Variants in NDST4 observed in about 807,000 individuals in gnomAD.
NDST4 encodes N-deacetylase and N-sulfotransferase 4.
NDST4 carries 63 observed loss-of-function variants against 100.8 expected under a neutral mutation model. The ratio of observed to expected loss-of-function variants is 0.62; its 90% CI spans 0.51 to 0.77. The LOEUF is 0.77. NDST4 is among the 30% of genes least tolerant of loss of function. The probability of loss-of-function intolerance (pLI) is 0.00; values close to 1 mark genes in which losing one functional copy is unlikely to be tolerated. For synonymous variants in NDST4, 377 were observed against 361.8 expected (o/e 1.04, Z -0.48); for missense variants, 943 against 1,018.4 (o/e 0.93, Z 1.01).
At chr4:114,964,308 C>T (rs1457482153) in intron 4 of NDST4, among the ~76,000 whole-genome samples, 1 of 152,164 alleles carries the variant, frequency 6.6e-6, no homozygotes, top group East Asian at 1.9e-4. Flanking sequence ...GAAATGACTG[C>T]CACCTCAGCT....
chr4:115,010,361 A>C (rs1481798399), intron 2 of NDST4, among the ~76,000 whole-genome samples: 1 of 128,920 alleles, frequency 7.8e-6, no homozygotes, highest in African/African-American at 2.9e-5. Flanking sequence ...CAGCCATAAA[A>C]AAGGATGAGT....
At chr4:114,880,856 G>A (rs574905516) in intron 6 of NDST4, among the ~76,000 whole-genome samples, 4 of 152,114 alleles carry the variant, frequency 2.6e-5, no homozygotes, top group Admixed American at 6.6e-5. Context: ...CTTCTTGAAA[G>A]AGAAACATGG....
rs1011014049 is a variant in NDST4 at position 115,007,253 on chromosome 4, C to T, written c.979-29979G>A. Among the ~76,000 whole-genome samples, 9 of 152,098 alleles carry T rather than the reference C, an allele frequency of 5.9e-5. No homozygotes were observed. The East Asian group carries it at 1.2e-3, about 20-fold the overall frequency. On this transcript the variant is annotated intron_variant, in intron 2 of 13. Coordinates refer to ENST00000264363, the MANE Select transcript of NDST4 (RefSeq NM_022569.3). ...ACAGACTATGGAACCAGTAAACATG[C>T]AGCTGTAGTATGGTTAAAACTTCTA...
chr4:114,874,920 C>T (rs752669466), intron 6 of NDST4, among the ~76,000 whole-genome samples: 3 of 151,760 alleles, frequency 2.0e-5, no homozygotes, highest in Non-Finnish European at 4.4e-5. Flanking sequence ...CAGTGTACTC[C>T]CAAAAGTATC....
At chr4:114,972,650 G>C (rs1726539171) in intron 3 of NDST4, among the ~76,000 whole-genome samples, 1 of 151,988 alleles carries the variant, frequency 6.6e-6, no homozygotes, top group African/African-American at 2.4e-5. Flanking sequence ...AGATTAGAAA[G>C]AGTTACATTA....
chr4:114,986,832 A>ATATATATATATATATATTTTTTTT, intron 2 of NDST4, among the ~76,000 whole-genome samples: 40 of 94,634 alleles, frequency 4.2e-4, no homozygotes, highest in South Asian at 8.6e-4. Flanking sequence ...ATATATATAT[A>ATATATATATATATATATTTTTTTT]TTTTAATATA....
chr4:114,965,459 G>T (rs773624706), intron 4 of NDST4, among the ~76,000 whole-genome samples: 46 of 151,832 alleles, frequency 3.0e-4, no homozygotes, highest in Non-Finnish European at 6.5e-4. Context: ...TGTATATTGT[G>T]TAATTATGAA....
In NDST4 at chr4:114,999,244, T is replaced by C. The variant is rs114314089; in HGVS notation, c.979-21970A>G. Among the ~76,000 whole-genome samples, 1,413 of 152,206 alleles carry C rather than the reference T, an allele frequency of 9.3e-3. 20 individuals are homozygous for C. Among genetic ancestry groups the C allele is most frequent in the African/African-American group, 0.03 (1,255 of 41,554 alleles). ...ATAGAACAGCTGTTATGAAGCACTG[T>C]GGATTTAATCATAAGCAGTCTTGCT... On this transcript the variant is annotated intron_variant, in intron 2 of 13. Coordinates refer to ENST00000264363, the MANE Select transcript of NDST4 (RefSeq NM_022569.3).
chr4:115,103,960 C>T (rs1471114706), intron 1 of NDST4, among the ~76,000 whole-genome samples: 1 of 152,194 alleles, frequency 6.6e-6, no homozygotes, highest in African/African-American at 2.4e-5. Context: ...TGATGACTGG[C>T]ATCTAGAATT....
intron 7 of NDST4, 92 bp downstream of exon 7, chr4:114,870,676 T>C: frequency 1.0e-6 from 1 of 1,002,632 alleles, no homozygotes; most frequent in South Asian, 3.1e-5. Context: ...ATTCCAGTTT[T>C]AATATGTCCA....
chr4:115,023,689 A>G (rs965924047), intron 2 of NDST4, among the ~76,000 whole-genome samples: 4 of 152,098 alleles, frequency 2.6e-5, no homozygotes, highest in Non-Finnish European at 5.9e-5. Flanking sequence ...AGAGTAAAAA[A>G]CTGTGTTAAG....
intron 7 of NDST4, among the ~76,000 whole-genome samples, chr4:114,870,155 T>G (rs1230407383): frequency 2.6e-5 from 4 of 152,144 alleles, no homozygotes; most frequent in Non-Finnish European, 5.9e-5. Context: ...TTACATTTGA[T>G]GCATCCAGGC....
At chr4:114,962,129 C>T (rs560355995) in intron 4 of NDST4, among the ~76,000 whole-genome samples, 1 of 151,960 alleles carries the variant, frequency 6.6e-6, no homozygotes, top group Non-Finnish European at 1.5e-5. Context: ...AAAATACATG[C>T]AGATACATAC....
At chr4:115,057,612 C>G (rs983084694) in intron 2 of NDST4, among the ~76,000 whole-genome samples, 4 of 152,148 alleles carry the variant, frequency 2.6e-5, no homozygotes, top group Admixed American at 2.6e-4. Context: ...CACATCGATT[C>G]AGCCATAGTA....
intron 2 of NDST4, among the ~76,000 whole-genome samples, chr4:115,013,612 T>G (rs572152232): frequency 6.6e-6 from 1 of 151,862 alleles, no homozygotes; most frequent in South Asian, 2.1e-4. Flanking sequence ...TACGGGCTTA[T>G]GGAGGTCAGG....
intron 2 of NDST4, among the ~76,000 whole-genome samples, chr4:115,018,782 A>G (rs1192402293): frequency 6.6e-6 from 1 of 152,004 alleles, no homozygotes; most frequent in Non-Finnish European, 1.5e-5. Context: ...TATTAGAATT[A>G]TTATACATGC....
chr4:114,927,251 A>G (rs193030673), intron 6 of NDST4, among the ~76,000 whole-genome samples: 5 of 151,460 alleles, frequency 3.3e-5, no homozygotes, highest in Admixed American at 3.3e-4. Flanking sequence ...TGTGTTTTAC[A>G]ATGAGAGAGA....
At chr4:115,073,401 A>G (rs1219127636) in intron 2 of NDST4, among the ~76,000 whole-genome samples, 1 of 152,064 alleles carries the variant, frequency 6.6e-6, no homozygotes, top group Non-Finnish European at 1.5e-5. Context: ...TAGCCAAGAT[A>G]TAGAATCAGC....
At chr4:114,990,482 G>C (rs1727013151) in intron 2 of NDST4, among the ~76,000 whole-genome samples, 1 of 151,928 alleles carries the variant, frequency 6.6e-6, no homozygotes, top group Non-Finnish European at 1.5e-5. Context: ...AAACTACAAG[G>C]ATGTTTTATT....
Sources: allele counts gnomAD v4.1 joint callset (sites outside exome capture counted in the v4.1 genomes callset), GRCh38; gene constraint gnomAD v4.1.1; transcripts MANE v1.5; gene names NCBI Gene and HGNC (gene_info 2026-07-23, HGNC 2026-07-21).